RSRC1: variants seen among roughly 807,000 people sequenced by gnomAD.
RSRC1 encodes arginine and serine rich coiled-coil 1.
RSRC1 carries 39 observed loss-of-function variants against 49.1 expected under a neutral mutation model. The ratio of observed to expected loss-of-function variants is 0.79; its 90% CI spans 0.61 to 1.04. The LOEUF (loss-of-function observed/expected upper bound fraction) is 1.04, where lower values mean the gene tolerates loss of function less well. Ranked by LOEUF, RSRC1 falls within the 50% of genes least tolerant of loss-of-function variation. RSRC1 has a pLI of 0.00. For synonymous variants in RSRC1, 143 were observed against 130.8 expected, an observed-to-expected ratio of 1.09 and a Z score of -0.63; for missense variants, 388 against 402.4, an observed-to-expected ratio of 0.96 and a Z score of 0.31.
intron 3 of RSRC1, among the ~76,000 whole-genome samples, chr3:158,166,791 T>A (rs1195644373): frequency 1.3e-5 from 2 of 152,218 alleles, no homozygotes; most frequent in South Asian, 2.1e-4. Context: ...TCTGCTAGAA[T>A]TATGAACTTC....
chr3:158,146,782 TATTA>T (rs768004959), intron 3 of RSRC1, among the ~76,000 whole-genome samples: 3 of 152,192 alleles, frequency 2.0e-5, no homozygotes, highest in Non-Finnish European at 2.9e-5. Context: ...GTTGGTAAGC[TATTA>T]ATTATTGCCT....
At chr3:158,378,468 A>G (rs1252117628) in intron 6 of RSRC1, among the ~76,000 whole-genome samples, 1 of 152,210 alleles carries the variant, frequency 6.6e-6, no homozygotes, top group African/African-American at 2.4e-5. Flanking sequence ...TCTGCATTCT[A>G]TTCTGTTCCT....
intron 6 of RSRC1, among the ~76,000 whole-genome samples, chr3:158,394,190 C>G (rs1201021725): frequency 6.6e-6 from 1 of 152,010 alleles, no homozygotes; most frequent in East Asian, 1.9e-4. Context: ...AACCCACAGC[C>G]AACATCATAC....
intron 6 of RSRC1, among the ~76,000 whole-genome samples, chr3:158,369,545 G>C (rs1453274191): frequency 6.6e-6 from 1 of 151,930 alleles, no homozygotes; most frequent in African/African-American, 2.4e-5. Flanking sequence ...TTAGGCCCTG[G>C]GGTTTCTTTT....
intron 3 of RSRC1, among the ~76,000 whole-genome samples, chr3:158,197,309 C>G (rs1465091804): frequency 6.6e-6 from 1 of 152,146 alleles, no homozygotes; most frequent in African/African-American, 2.4e-5. Flanking sequence ...ATAGTATTCT[C>G]TGATGGTAGT....
chr3:158,176,765 G>A (rs1266748138), intron 3 of RSRC1, among the ~76,000 whole-genome samples: 1 of 152,090 alleles, frequency 6.6e-6, no homozygotes, highest in African/African-American at 2.4e-5. Context: ...AACACCAAAC[G>A]CAATGGCAAC....
intron 4 of RSRC1, among the ~76,000 whole-genome samples, chr3:158,295,835 G>A (rs984253630): frequency 1.3e-5 from 2 of 151,992 alleles, no homozygotes; most frequent in African/African-American, 4.8e-5. Flanking sequence ...CTCAAATACA[G>A]GTATCTCAGA....
chr3:158,512,036 T>C (rs2108474798), intron 7 of RSRC1, among the ~76,000 whole-genome samples: 1 of 145,648 alleles, frequency 6.9e-6, no homozygotes, highest in East Asian at 2.0e-4. Context: ...GTCAGATGAG[T>C]AGGTTGCGAA....
intron 3 of RSRC1, among the ~76,000 whole-genome samples, chr3:158,200,251 G>C (rs1720961192): frequency 2.0e-5 from 3 of 152,056 alleles, no homozygotes; most frequent in African/African-American, 7.2e-5. Context: ...TGTTAGCCCG[G>C]ATGGTCTCGA....
chr3:158,303,721 A>G (rs1380104960), intron 5 of RSRC1: 1 of 152,218 alleles, frequency 6.6e-6, no homozygotes, highest in Non-Finnish European at 1.5e-5. Flanking sequence ...TTATTCTGCA[A>G]CCTATGAATG....
At chr3:158,193,995 G>A (rs1720390603) in intron 3 of RSRC1, among the ~76,000 whole-genome samples, 5 of 151,458 alleles carry the variant, frequency 3.3e-5, no homozygotes, top group African/African-American at 9.7e-5. Context: ...TGACACAGGA[G>A]GATCACTTGA....
intron 3 of RSRC1, among the ~76,000 whole-genome samples, chr3:158,160,167 C>G (rs953705528): frequency 6.6e-6 from 1 of 152,102 alleles, no homozygotes; most frequent in Non-Finnish European, 1.5e-5. Context: ...ATTAAAACAT[C>G]CCCTGAAGTC....
At chr3:158,266,865 A>G (rs780605855) in intron 4 of RSRC1, among the ~76,000 whole-genome samples, 7 of 152,034 alleles carry the variant, frequency 4.6e-5, no homozygotes, top group Non-Finnish European at 1.0e-4. Context: ...CTGGGCTCAA[A>G]TGATTCTCCT....
intron 4 of RSRC1, among the ~76,000 whole-genome samples, chr3:158,242,275 T>C (rs1723640945): frequency 6.6e-6 from 1 of 152,058 alleles, no homozygotes; most frequent in Non-Finnish European, 1.5e-5. Flanking sequence ...ATCATTCAGC[T>C]CCCACTTATA....
At chr3:158,206,150 G>A (rs948721106) in intron 4 of RSRC1, among the ~76,000 whole-genome samples, 1 of 152,168 alleles carries the variant, frequency 6.6e-6, no homozygotes, top group Non-Finnish European at 1.5e-5. Flanking sequence ...CTAATAATGA[G>A]CAGTTAAAAG....
intron 5 of RSRC1, among the ~76,000 whole-genome samples, chr3:158,332,209 T>C (rs536096633): frequency 1.3e-5 from 2 of 152,278 alleles, no homozygotes; most frequent in African/African-American, 4.8e-5. Context: ...TTTCTGCCAA[T>C]ACTTTTTAAT....
At chr3:158,447,256 A>G (rs1310555171) in intron 6 of RSRC1, among the ~76,000 whole-genome samples, 4 of 152,014 alleles carry the variant, frequency 2.6e-5, no homozygotes, top group African/African-American at 9.7e-5. Context: ...TCTTAGACTT[A>G]AATGATGAGT....
At chr3:158,451,908 G>A (rs1737063781) in intron 6 of RSRC1, among the ~76,000 whole-genome samples, 1 of 151,996 alleles carries the variant, frequency 6.6e-6, no homozygotes, top group South Asian at 2.1e-4. Flanking sequence ...AGGCTCATGG[G>A]ATTTAATAGT....
At chr3:158,353,567 C>G (rs894057915) in intron 5 of RSRC1, among the ~76,000 whole-genome samples, 5 of 152,268 alleles carry the variant, frequency 3.3e-5, no homozygotes, top group African/African-American at 9.6e-5. Flanking sequence ...AATACGTTCT[C>G]CCAGTCTCCT....
Sources: gnomAD v4.1 joint callset for allele counts (sites outside exome capture counted in the v4.1 genomes callset) on GRCh38, gnomAD v4.1.1 for gene constraint, MANE v1.5 for transcripts, NCBI Gene and HGNC (gene_info 2026-07-23, HGNC 2026-07-21) for gene names.